Variants in KLF16 observed in about 807,000 individuals in gnomAD.
The protein encoded by KLF16 is Krueppel-like factor 16.
A neutral mutation model predicts 6.1 loss-of-function variants in KLF16; 6 were observed. The observed-to-expected ratio is 0.98, with a 90% CI of 0.54 to 1.93. The LOEUF (loss-of-function observed/expected upper bound fraction) is 1.93. Among genes scored for constraint, KLF16 ranks in the 30% most tolerant of loss-of-function variants. The pLI is 0.01. For synonymous variants in KLF16, 211 were observed against 176.5 expected (o/e 1.20, Z -1.55); for missense variants, 355 against 363.8 (o/e 0.98, Z 0.20).
chr19:1,863,504 C>G lies in KLF16; in HGVS notation c.-7G>C. ...ACGCCACGGCCGCCGACATGCCGAG[C>G]AAGGGCGCGCGGCGCGGCGGGCGGA... On this transcript the variant is annotated 5_prime_UTR_variant, in exon 1 of 2. Transcript: ENST00000250916. The G allele has an allele frequency of 1.0e-6, 1 of 991,994 alleles. No homozygotes were observed. Among genetic ancestry groups the G allele is most frequent in the Non-Finnish European group, 1.2e-6 (1 of 836,184 alleles). The allele number at this position is 991,994 out of a possible 1,614,324, so 61.4% of individuals were successfully genotyped here.
intron 1 of KLF16, among the ~76,000 whole-genome samples, chr19:1,855,503 C>T (rs967411870): frequency 1.3e-5 from 2 of 152,102 alleles, no homozygotes; most frequent in African/African-American, 4.8e-5. Context: ...TGGCGCTGGG[C>T]AGGGGCGGGC....
Position 1,854,230 on chromosome 19 carries a change from T to C in KLF16, c.*229A>G, listed in dbSNP as rs2011898357. 1 of 474,758 alleles carries C rather than the reference T, an allele frequency of 2.1e-6. No individual in the cohort carries two copies. Among genetic ancestry groups the C allele is most frequent in the Admixed American group, 4.4e-5 (1 of 22,494 alleles). The allele number at this position is 474,758 out of a possible 1,614,324, so 29.4% of individuals were successfully genotyped here. On this transcript the variant is annotated 3_prime_UTR_variant, in exon 2 of 2. Coordinates refer to ENST00000250916, the MANE Select transcript of KLF16 (RefSeq NM_031918.4). ...GTTGCACAGATGGGAAGAAAGTTAG[T>C]ATCATGGCTATTTACAGACACAAGC...
chr19:1,874,475 G>A, the KLF16 span, among the ~76,000 whole-genome samples: 1 of 151,416 alleles, frequency 6.6e-6, no homozygotes, highest in African/African-American at 2.4e-5. Flanking sequence ...TTAGACATAA[G>A]CATTTAAATA....
At chr19:1,871,346 C>A in the KLF16 span, among the ~76,000 whole-genome samples, 1 of 152,122 alleles carries the variant, frequency 6.6e-6, no homozygotes, top group South Asian at 2.1e-4. Context: ...AGGGACTGGA[C>A]GGGCTGCGGA....
rs2011870396 is a variant in KLF16, at chr19:1,853,150, G to A, written c.*1309C>T. On this transcript the variant is annotated 3_prime_UTR_variant, in exon 2 of 2. Transcript: ENST00000250916. ...GGACGACCGCTGACAAGGACACAAA[G>A]GTGGCCCCCGAGGAACAAGTCCCCA... 1 of 149,654 alleles carries A rather than the reference G, an allele frequency of 6.7e-6. No individual in the cohort carries two copies. Among genetic ancestry groups the A allele is most frequent in the African/African-American group, 2.5e-5 (1 of 39,526 alleles). The allele number at this position is 149,654 out of a possible 1,614,324, so 9.3% of individuals were successfully genotyped here.
At chr19:1,862,780 T>G in intron 1 of KLF16, 1 of 359,768 alleles carries the variant, frequency 2.8e-6, no homozygotes, top group Non-Finnish European at 4.9e-6. Context: ...GGAGTCTCAA[T>G]CCCGCCCGCA....
chr19:1,874,488 T>TG, the KLF16 span, among the ~76,000 whole-genome samples: 5 of 151,496 alleles, frequency 3.3e-5, no homozygotes, highest in East Asian at 5.8e-4. Flanking sequence ...TTTAAATATA[T>TG]GGGGAAAAAA....
the KLF16 span, among the ~76,000 whole-genome samples, chr19:1,871,073 AG>A: frequency 1.3e-5 from 2 of 152,254 alleles, no homozygotes; most frequent in African/African-American, 4.8e-5. Context: ...CAGAAAAAAC[AG>A]GGAATGGACC....
chr19:1,866,976 G>A (rs2012198284), upstream of KLF16, among the ~76,000 whole-genome samples: 2 of 152,134 alleles, frequency 1.3e-5, no homozygotes, highest in Non-Finnish European at 2.9e-5. Flanking sequence ...TTCCCTGACA[G>A]CGCCCAAGAG....
upstream of KLF16, among the ~76,000 whole-genome samples, chr19:1,864,508 G>T (rs1277744503): frequency 6.6e-6 from 1 of 152,122 alleles, no homozygotes; most frequent in Non-Finnish European, 1.5e-5. Flanking sequence ...GCGCCCCACT[G>T]GGGGTGGGGA....
intron 1 of KLF16, among the ~76,000 whole-genome samples, chr19:1,855,500 G>A (rs1332119293): frequency 1.3e-5 from 2 of 152,138 alleles, no homozygotes; most frequent in Non-Finnish European, 2.9e-5. Context: ...AGATGGCGCT[G>A]GGCAGGGGCG....
upstream of KLF16, among the ~76,000 whole-genome samples, chr19:1,868,421 T>C (rs2012221056): frequency 6.8e-6 from 1 of 146,766 alleles, no homozygotes; most frequent in African/African-American, 2.5e-5. Context: ...CCCTGTCACC[T>C]CAGTGTGACC....
intron 1 of KLF16, 113 bp from the exon 2 acceptor site, chr19:1,854,873 G>A (rs900508780): frequency 1.7e-6 from 2 of 1,146,640 alleles, no homozygotes; most frequent in African/African-American, 1.6e-5. Context: ...CGTTTTAGAG[G>A]CTGAGCTCTG....
At chr19:1,871,657 G>A in the KLF16 span, among the ~76,000 whole-genome samples, 1 of 152,184 alleles carries the variant, frequency 6.6e-6, no homozygotes, top group Non-Finnish European at 1.5e-5. Flanking sequence ...CACCACGCAC[G>A]GTGGGGGGCG....
the KLF16 span, among the ~76,000 whole-genome samples, chr19:1,873,981 T>A: frequency 1.2e-4 from 18 of 152,350 alleles, no homozygotes; most frequent in East Asian, 3.5e-3. Context: ...AAGGCCAGCA[T>A]CGCGCACCGT....
At chr19:1,854,969 C>T (rs986485408) in intron 1 of KLF16, among the ~76,000 whole-genome samples, 2 of 152,140 alleles carry the variant, frequency 1.3e-5, no homozygotes, top group Non-Finnish European at 1.5e-5. Context: ...AATAAATAAT[C>T]CTCTTATTTC....
chr19:1,856,774 AC>A (rs372298382), intron 1 of KLF16, among the ~76,000 whole-genome samples: 6 of 152,182 alleles, frequency 3.9e-5, no homozygotes, highest in Admixed American at 6.5e-5. Context: ...CCTCCAGGGA[AC>A]ATGCCGCCGT....
chr19:1,863,607 G>C, upstream of KLF16: 1 of 355,446 alleles, frequency 2.8e-6, no homozygotes, highest in Non-Finnish European at 3.9e-6. Flanking sequence ...AGGAGGAGGA[G>C]GCCCGGCGCG....
chr19:1,863,720 G>A (rs1490770333), upstream of KLF16, among the ~76,000 whole-genome samples: 2 of 140,370 alleles, frequency 1.4e-5, no homozygotes, highest in Non-Finnish European at 3.1e-5. Context: ...CCCGGAGGAC[G>A]CCCCCTCGGG....
Sources: gnomAD v4.1 joint callset for allele counts (sites outside exome capture counted in the v4.1 genomes callset) on GRCh38, gnomAD v4.1.1 for gene constraint, MANE v1.5 for transcripts, NCBI Gene and HGNC (gene_info 2026-07-23, HGNC 2026-07-21) for gene names.